Variants in MSR1 observed in about 807,000 individuals in gnomAD.
MSR1 encodes the protein macrophage scavenger receptor types I and II.
In MSR1, 53 loss-of-function variants were observed where a neutral mutation model predicts 47.2. The observed-to-expected ratio is 1.12, with a 90% CI of 0.90 to 1.41. The LOEUF is 1.41. MSR1 is among the 40% of genes most tolerant of loss of function. The pLI is 0.00. For synonymous variants in MSR1, 239 were observed against 185.6 expected (o/e 1.29, Z -2.34); for missense variants, 786 against 546.9 (o/e 1.44, Z -4.36).
intron 1 of MSR1, among the ~76,000 whole-genome samples, chr8:16,188,416 T>C (rs1435490884): frequency 1.3e-5 from 2 of 152,156 alleles, no homozygotes; most frequent in African/African-American, 4.8e-5. Flanking sequence ...CATATCATCA[T>C]GCACGTATCA....
At chr8:16,147,121 T>G (rs1203243325) in intron 7 of MSR1, among the ~76,000 whole-genome samples, 1 of 152,184 alleles carries the variant, frequency 6.6e-6, no homozygotes, top group African/African-American at 2.4e-5. Context: ...GAACAGAACC[T>G]TCTACGGATT....
chr8:16,136,546 C>T (rs1800394761), intron 8 of MSR1, among the ~76,000 whole-genome samples: 1 of 151,882 alleles, frequency 6.6e-6, no homozygotes, highest in Admixed American at 6.6e-5. Context: ...ACAATATGTC[C>T]ACAGTATGCC....
chr8:16,140,344 A>T, intron 8 of MSR1: 2 of 985,392 alleles, frequency 2.0e-6, no homozygotes, highest in Non-Finnish European at 2.4e-6. Flanking sequence ...ATGCTTTGGA[A>T]AGAGACCAGT....
At chr8:16,161,508 T>C (rs1032948676) in intron 5 of MSR1, among the ~76,000 whole-genome samples, 3 of 152,004 alleles carry the variant, frequency 2.0e-5, no homozygotes, top group African/African-American at 7.2e-5. Context: ...ATGATATGTG[T>C]TCTGTATAAG....
chr8:16,151,301 A>C (rs1041571611), intron 6 of MSR1, among the ~76,000 whole-genome samples: 2 of 152,114 alleles, frequency 1.3e-5, no homozygotes, highest in African/African-American at 4.8e-5. Flanking sequence ...ACTAAAAATC[A>C]AGGATGTTCA....
intron 3 of MSR1, among the ~76,000 whole-genome samples, chr8:16,174,331 G>A (rs578089284): frequency 6.6e-6 from 1 of 152,212 alleles, no homozygotes; most frequent in South Asian, 2.1e-4. Flanking sequence ...TAGAGCACAT[G>A]GGCAGACATT....
intron 8 of MSR1, among the ~76,000 whole-genome samples, chr8:16,141,430 T>C (rs2117109307): frequency 6.6e-6 from 1 of 152,260 alleles, no homozygotes; most frequent in East Asian, 1.9e-4. Flanking sequence ...TTATGGTGAT[T>C]ATGGTGTAGC....
chr8:16,172,643 A>G (rs1189202208), intron 3 of MSR1, among the ~76,000 whole-genome samples: 3 of 152,090 alleles, frequency 2.0e-5, no homozygotes, highest in East Asian at 1.9e-4. Flanking sequence ...TATTGTTTTC[A>G]GCTAAAGAAT....
At chr8:16,124,020 G>A (rs921813131) in intron 8 of MSR1, among the ~76,000 whole-genome samples, 2 of 152,094 alleles carry the variant, frequency 1.3e-5, no homozygotes, top group African/African-American at 4.8e-5. Context: ...CTTTCTTGAT[G>A]ACAGTTACTG....
intron 8 of MSR1, 76 bp from the exon 9 acceptor site, chr8:16,120,682 C>CT (rs35356880): frequency 2.5e-4 from 353 of 1,389,678 alleles, no homozygotes; most frequent in East Asian, 5.2e-4. Flanking sequence ...CTTTACAGCA[C>CT]TTTTTTTTTA....
In MSR1 at chr8:16,177,926, C is replaced by T. The variant is rs1478098110; in HGVS notation, c.63G>A (p.Val21=). 17 of 1,613,840 alleles carry T rather than the reference C, an allele frequency of 1.1e-5. No individual in the cohort carries two copies. Among genetic ancestry groups the T allele is most frequent in the Non-Finnish European group, 1.4e-5 (17 of 1,179,942 alleles). Residue 21 remains valine, a synonymous_variant, in exon 2 of 10, where the codon GTG becomes GTA. Coordinates refer to ENST00000262101, the MANE Select transcript of MSR1 (RefSeq NM_138715.3). ...QEDTDSCSES[V]KFDARSMTAL... Reference sequence around the variant, plus strand: ...CTGTCATTGAGCGAGCATCAAATTTCACAGATTCGGAGCAGCTATCAGTGT... The same window carrying T: ...CTGTCATTGAGCGAGCATCAAATTTTACAGATTCGGAGCAGCTATCAGTGT...
At chr8:16,172,211 G>T (rs541833006) in intron 3 of MSR1, among the ~76,000 whole-genome samples, 2 of 152,032 alleles carry the variant, frequency 1.3e-5, no homozygotes, top group South Asian at 4.1e-4. Flanking sequence ...GATTTATTTT[G>T]TATCAGTAAA....
In MSR1 at chr8:16,177,775, T is replaced by C; in HGVS notation, c.103+111A>G. ...AGAATACCCCTGTTGGTCAAATAAG[T>C]ATTATTTTAACATCCACTTACATTT... On this transcript the variant is annotated intron_variant, in intron 2 of 9. Coordinates refer to ENST00000262101, the MANE Select transcript of MSR1 (RefSeq NM_138715.3). The C allele has an allele frequency of 6.1e-6, 5 of 826,402 alleles. No homozygotes were observed. In the East Asian group the frequency reaches 1.3e-4, roughly 22 times the overall value. 51.2% of individuals were successfully genotyped at this position (826,402 alleles called of 1,614,324 possible). A position where few individuals can be genotyped will look rare whatever the true frequency, so the allele number is the denominator to read the frequency against.
intron 8 of MSR1, among the ~76,000 whole-genome samples, chr8:16,126,285 T>C (rs1436323883): frequency 2.0e-5 from 3 of 152,142 alleles, no homozygotes; most frequent in Non-Finnish European, 4.4e-5. Context: ...CAATTACCAC[T>C]ACTCAGTGGA....
chr8:16,185,644 T>C (rs1801973732), intron 1 of MSR1, among the ~76,000 whole-genome samples: 1 of 152,082 alleles, frequency 6.6e-6, no homozygotes, highest in Admixed American at 6.6e-5. Context: ...GATCCATTCC[T>C]TCCATTCTAT....
At position 16,109,998 on chromosome 8, in the gene MSR1, A is replaced by G; in HGVS notation, c.*87T>C. 1 of 1,511,120 alleles carries G rather than the reference A, an allele frequency of 6.6e-7. No homozygotes were observed. The highest frequency in any genetic ancestry group is 1.4e-5 in the African/African-American group (1 of 72,762). 93.6% of individuals were successfully genotyped at this position (1,511,120 alleles called of 1,614,324 possible). On this transcript the variant is annotated 3_prime_UTR_variant, in exon 10 of 10. Transcript: ENST00000262101. ...TTGGGCAATATTCTTAATCTCTTAAATATTGATTAAATGGATTTTACAGGA... is the reference window on the plus strand; with the variant it reads ...TTGGGCAATATTCTTAATCTCTTAAGTATTGATTAAATGGATTTTACAGGA...
intron 5 of MSR1, among the ~76,000 whole-genome samples, chr8:16,163,537 T>C (rs1345442696): frequency 6.6e-6 from 1 of 151,240 alleles, no homozygotes; most frequent in Admixed American, 6.6e-5. Flanking sequence ...ACTGAAAGCC[T>C]ATATATATAA....
At chr8:16,150,401 A>G (rs906622063) in intron 6 of MSR1, 90 bp from the exon 7 acceptor site, 4 of 569,474 alleles carry the variant, frequency 7.0e-6, no homozygotes, top group African/African-American at 5.8e-5. Context: ...TTATAAGTGA[A>G]TATGAAATTA....
chr8:16,148,467 T>A (rs992066020), intron 7 of MSR1, among the ~76,000 whole-genome samples: 1 of 124,596 alleles, frequency 8.0e-6, no homozygotes, highest in Non-Finnish European at 1.7e-5. Flanking sequence ...TTTCTAAAAC[T>A]TTTTTTTTTG....
Sources: gnomAD v4.1 joint callset for allele counts (sites outside exome capture counted in the v4.1 genomes callset) on GRCh38, gnomAD v4.1.1 for gene constraint, MANE v1.5 for transcripts, NCBI Gene and HGNC (gene_info 2026-07-23, HGNC 2026-07-21) for gene names.